Variants in SRRM4 observed in about 807,000 individuals in gnomAD.
SRRM4 encodes serine/arginine repetitive matrix 4.
SRRM4 carries 33 observed loss-of-function variants against 68.9 expected under a neutral mutation model. That is an observed-to-expected ratio of 0.48 (90% confidence interval 0.36 to 0.64). The LOEUF (loss-of-function observed/expected upper bound fraction) is 0.64, where lower values mean the gene tolerates loss of function less well. Among genes scored for constraint, SRRM4 ranks in the 30% least tolerant of loss-of-function variants. The pLI is 0.00. For synonymous variants in SRRM4, 318 were observed against 318.8 expected, an observed-to-expected ratio of 1.00 and a Z score of 0.03; for missense variants, 817 against 827.1, an observed-to-expected ratio of 0.99 and a Z score of 0.15.
At chr12:119,076,520 G>A (rs568915833) in intron 1 of SRRM4, among the ~76,000 whole-genome samples, 2 of 152,312 alleles carry the variant, frequency 1.3e-5, no homozygotes, top group Admixed American at 1.3e-4. Flanking sequence ...CTCTGCTTCA[G>A]TTCCTCATCT....
At position 119,042,655 on chromosome 12, in the gene SRRM4, AG is replaced by A. The variant is rs141765815; in HGVS notation, c.132-59580del. Among the ~76,000 whole-genome samples, 1,369 of 151,942 alleles carry A rather than the reference AG, an allele frequency of 9.0e-3. 24 individuals are homozygous for A. The highest frequency in any genetic ancestry group is 0.03 in the African/African-American group (1,258 of 41,432). The stretch of plus-strand genomic sequence containing the variant: ...AGGAGGAGAGGGAAAGGAAGAGAAA[AG>A]AAAGGAGAAGAGGAAAGAAGGGCAG... On this transcript the variant is annotated intron_variant, in intron 1 of 12. Coordinates refer to ENST00000267260, the MANE Select transcript of SRRM4 (RefSeq NM_194286.4).
chr12:119,137,044 A>C (rs1368797999), intron 8 of SRRM4, among the ~76,000 whole-genome samples: 1 of 152,128 alleles, frequency 6.6e-6, no homozygotes, highest in Non-Finnish European at 1.5e-5. Context: ...TAATTAGTGC[A>C]CTAAGGAAGA....
At chr12:119,146,127 G>A (rs915891252) in intron 9 of SRRM4, among the ~76,000 whole-genome samples, 1 of 152,132 alleles carries the variant, frequency 6.6e-6, no homozygotes, top group Non-Finnish European at 1.5e-5. Flanking sequence ...ACTGTCCCAG[G>A]GGATGCTATG....
At chr12:119,045,486 T>G (rs992746704) in intron 1 of SRRM4, among the ~76,000 whole-genome samples, 1 of 21,380 alleles carries the variant, frequency 4.7e-5, no homozygotes. Flanking sequence ...ACTCCCCCGC[T>G]CCCCCCCGCC....
intron 1 of SRRM4, among the ~76,000 whole-genome samples, chr12:119,045,943 CA>C (rs1953704764): frequency 6.6e-6 from 1 of 152,152 alleles, no homozygotes; most frequent in South Asian, 2.1e-4. Flanking sequence ...GAGGCTGAGG[CA>C]GGGGAATTGC....
chr12:119,147,778 T>C (rs138203749), intron 9 of SRRM4, among the ~76,000 whole-genome samples: 1 of 152,366 alleles, frequency 6.6e-6, no homozygotes, highest in Non-Finnish European at 1.5e-5. Flanking sequence ...TCCACACAGA[T>C]GCATATGAGC....
At chr12:119,128,033 A>T (rs1279966656) in intron 7 of SRRM4, among the ~76,000 whole-genome samples, 1 of 152,198 alleles carries the variant, frequency 6.6e-6, no homozygotes, top group Admixed American at 6.5e-5. Context: ...CAGAACAGTG[A>T]GATTTTTAAA....
chr12:119,039,856 G>A (rs1413668848), intron 1 of SRRM4, among the ~76,000 whole-genome samples: 3 of 152,144 alleles, frequency 2.0e-5, no homozygotes, highest in African/African-American at 7.2e-5. Flanking sequence ...TGAAGAGAGA[G>A]AGAGAGAGAG....
At chr12:119,115,791 A>C (rs983870622) in intron 3 of SRRM4, among the ~76,000 whole-genome samples, 1 of 152,234 alleles carries the variant, frequency 6.6e-6, no homozygotes, top group Non-Finnish European at 1.5e-5. Context: ...GTCTGGGGAC[A>C]AATGTTATGA....
At chr12:119,049,636 T>C (rs1953728943) in intron 1 of SRRM4, among the ~76,000 whole-genome samples, 1 of 152,154 alleles carries the variant, frequency 6.6e-6, no homozygotes, top group Non-Finnish European at 1.5e-5. Context: ...CAGTAGTGTA[T>C]CAGTTTTCTA....
In SRRM4 at chr12:119,158,964, G is replaced by GTTTTTTT. The variant is rs1174251452; in HGVS notation, c.*2170_*2171insTTTTTTT. 1 of 129,666 alleles carries GTTTTTTT rather than the reference G, an allele frequency of 7.7e-6. No individual in the cohort carries two copies. Among genetic ancestry groups the GTTTTTTT allele is most frequent in the African/African-American group, 2.9e-5 (1 of 34,100 alleles). 8.0% of individuals were successfully genotyped at this position (129,666 alleles called of 1,614,324 possible). A position where few individuals can be genotyped will look rare whatever the true frequency, so the allele number is the denominator to read the frequency against. ...TATTGAATTATTTATTTATACAGAG[G>GTTTTTTT]TTTTGTGTGTGTGTGTGTGTGTGTG... On this transcript the variant is annotated 3_prime_UTR_variant, in exon 13 of 13. Transcript: ENST00000267260.
chr12:119,071,775 G>T (rs181271025), intron 1 of SRRM4, among the ~76,000 whole-genome samples: 7 of 152,264 alleles, frequency 4.6e-5, no homozygotes, highest in Admixed American at 1.3e-4. Flanking sequence ...TCATCATGCC[G>T]CACGCCGTTG....
intron 6 of SRRM4, among the ~76,000 whole-genome samples, chr12:119,124,622 C>A (rs1354653614): frequency 1.3e-5 from 2 of 152,128 alleles, no homozygotes; most frequent in Non-Finnish European, 2.9e-5. Context: ...GCTGAAGTAA[C>A]CTGCAGTAAC....
At chr12:119,132,871 T>A (rs1054951783) in intron 8 of SRRM4, 1 of 152,196 alleles carries the variant, frequency 6.6e-6, no homozygotes, top group Admixed American at 6.5e-5. Context: ...AAACATGGAA[T>A]TATTAATTCG....
In SRRM4 at chr12:119,073,295, TTC is replaced by T. The variant is rs1463113465; in HGVS notation, c.132-28928_132-28927del. ...TGACATAACTTCTTGGAGTCTCTAT[TTC>T]TCTCTCTCTCTCCTCTTTTTTTTTT... On this transcript the variant is annotated intron_variant, in intron 1 of 12. Transcript: ENST00000267260. Among the ~76,000 whole-genome samples, 123 of 140,730 alleles carry T rather than the reference TTC, an allele frequency of 8.7e-4. 1 individual carries two copies. The highest frequency in any genetic ancestry group is 3.2e-3 in the African/African-American group (119 of 36,798). The allele number at this position is 140,730 out of a possible 152,430, so 92.3% of individuals were successfully genotyped here.
chr12:119,061,133 C>A (rs1953809186), intron 1 of SRRM4, among the ~76,000 whole-genome samples: 1 of 152,130 alleles, frequency 6.6e-6, no homozygotes, highest in South Asian at 2.1e-4. Context: ...CAGAAAAGTC[C>A]TTGAAGGTTG....
At chr12:119,012,280 C>T (rs560651488) in intron 1 of SRRM4, among the ~76,000 whole-genome samples, 26 of 152,312 alleles carry the variant, frequency 1.7e-4, no homozygotes, top group African/African-American at 6.3e-4. Context: ...AATGAGTCCT[C>T]CCCATGGGGG....
intron 3 of SRRM4, 38 bp from the exon 4 acceptor site, chr12:119,116,899 G>C: frequency 6.2e-7 from 1 of 1,604,794 alleles, no homozygotes; most frequent in Non-Finnish European, 8.5e-7. Flanking sequence ...TGGCCTTTAA[G>C]AGCCTCCTTC....
At chr12:119,126,536 A>G (rs1282440413) in intron 7 of SRRM4, among the ~76,000 whole-genome samples, 1 of 152,188 alleles carries the variant, frequency 6.6e-6, no homozygotes, top group Non-Finnish European at 1.5e-5. Flanking sequence ...CAGAGAAGCT[A>G]AGCAAACTAT....
Sources: allele counts gnomAD v4.1 joint callset (sites outside exome capture counted in the v4.1 genomes callset), GRCh38; gene constraint gnomAD v4.1.1; transcripts MANE v1.5; gene names NCBI Gene and HGNC (gene_info 2026-07-23, HGNC 2026-07-21).